Variants in SLC5A9 observed in about 807,000 individuals in gnomAD.
The protein encoded by SLC5A9 is solute carrier family 5 member 9.
A neutral mutation model predicts 70.9 loss-of-function variants in SLC5A9; 59 were observed. The ratio of observed to expected loss-of-function variants is 0.83; its 90% confidence interval spans 0.68 to 1.03. The LOEUF (loss-of-function observed/expected upper bound fraction) is 1.03, where lower values mean the gene tolerates loss of function less well. Ranked by LOEUF, SLC5A9 falls within the 50% of genes least tolerant of loss-of-function variation. The pLI is 0.00. For missense variants in SLC5A9, 832 were observed against 881.1 expected (o/e 0.94, Z 0.71); for synonymous variants, 340 against 346.5 (o/e 0.98, Z 0.21).
In SLC5A9 at chr1:48,235,844, G is replaced by C; in HGVS notation, c.1257G>C (p.Arg419Ser). 1 of 1,614,196 alleles carries C rather than the reference G, an allele frequency of 6.2e-7. No homozygotes were observed. Among genetic ancestry groups the C allele is most frequent in the Non-Finnish European group, 8.5e-7 (1 of 1,180,038 alleles). The change falls in exon 10 of 14, where the codon AGG (arginine) becomes AGC (serine). Residue 419 changes from arginine to serine, a missense_variant. Arg to Ser is a moderately radical substitution (Grantham distance 110, BLOSUM62 -1). Transcript: ENST00000438567. ...TTGATGTGTGGCAGCGCTTCCGCAG[G>C]AAGTCAACAGAGCAGGAGCTGATGG... ...FTIDVWQRFR[R>S]KSTEQELMVV...
At chr1:48,238,401 GC>G in intron 11 of SLC5A9, 1 of 152,514 alleles carries the variant, frequency 6.6e-6, no homozygotes, top group South Asian at 2.1e-4. Context: ...CCTTACAAGG[GC>G]TCCTGCACTT....
At position 48,233,646 on chromosome 1, in the gene SLC5A9, C is replaced by T. The variant is rs1180430383; in HGVS notation, c.1034-9C>T. The T allele has an allele frequency of 5.6e-6, 9 of 1,611,902 alleles. No homozygotes were observed. The highest frequency in any genetic ancestry group is 7.6e-6 in the Non-Finnish European group (9 of 1,178,340). ...TCACGGACTCTAACTGCCATTACTTCTTCCACAGACGAGGTGGGCTGCGTG... is the reference window on the plus strand; with the variant it reads ...TCACGGACTCTAACTGCCATTACTTTTTCCACAGACGAGGTGGGCTGCGTG... On this transcript the variant is annotated splice_polypyrimidine_tract_variant and intron_variant, in intron 8 of 13. Coordinates refer to ENST00000438567, the MANE Select transcript of SLC5A9 (RefSeq NM_001011547.3).
At chr1:48,245,382 C>A (rs1644449372) in intron 13 of SLC5A9, among the ~76,000 whole-genome samples, 3 of 152,064 alleles carry the variant, frequency 2.0e-5, no homozygotes, top group African/African-American at 4.8e-5. Context: ...ACAGAGTAGT[C>A]CCTGGAGAAG....
At chr1:48,229,937 C>T (rs1053729552) in intron 4 of SLC5A9, among the ~76,000 whole-genome samples, 5 of 152,178 alleles carry the variant, frequency 3.3e-5, no homozygotes, top group Admixed American at 1.3e-4. Context: ...GTTTTAGACC[C>T]TGTAACAGGT....
intron 10 of SLC5A9, among the ~76,000 whole-genome samples, chr1:48,236,372 G>C (rs1219838386): frequency 6.6e-6 from 1 of 152,162 alleles, no homozygotes; most frequent in Non-Finnish European, 1.5e-5. Context: ...TATTAAGGAA[G>C]GTAGAAACAC....
chr1:48,230,628 T>A lies in SLC5A9; in HGVS notation c.533T>A (p.Ile178Asn). The A allele has an allele frequency of 6.2e-7, 1 of 1,614,058 alleles. No individual in the cohort carries two copies. The highest frequency in any genetic ancestry group is 1.3e-5 in the African/African-American group (1 of 75,044). ...STDIFSGALF[I>N]QMALGWNLYL... ...GACATCTTCTCTGGAGCCCTCTTCATCCAGATGGCATTGGGCTGGAACCTG... is the reference window on the plus strand; with the variant it reads ...GACATCTTCTCTGGAGCCCTCTTCAACCAGATGGCATTGGGCTGGAACCTG... Residue 178 changes from isoleucine to asparagine, a missense_variant, in exon 5 of 14, where the codon ATC becomes AAC. Coordinates refer to ENST00000438567, the MANE Select transcript of SLC5A9 (RefSeq NM_001011547.3).
intron 7 of SLC5A9, 31 bp from the exon 8 acceptor site, chr1:48,232,335 TG>T (rs1241500653): frequency 6.2e-7 from 1 of 1,611,642 alleles, no homozygotes; most frequent in African/African-American, 1.3e-5. Flanking sequence ...CTCCTCTACC[TG>T]CGCTGCACTC....
intron 13 of SLC5A9, among the ~76,000 whole-genome samples, chr1:48,247,087 A>AT (rs1301549963): frequency 6.6e-6 from 1 of 152,160 alleles, no homozygotes; most frequent in Admixed American, 6.5e-5. Context: ...CTTCCACTAC[A>AT]TGACTGTTTG....
intron 13 of SLC5A9, among the ~76,000 whole-genome samples, chr1:48,244,910 A>ATATAT (rs56780309): frequency 2.9e-3 from 320 of 110,520 alleles, no homozygotes; most frequent in South Asian, 5.5e-3. Flanking sequence ...ATATATATAT[A>ATATAT]AAACCTCTGT....
At chr1:48,235,606 C>A in intron 9 of SLC5A9, 123 bp from the exon 10 acceptor site, 1 of 1,160,580 alleles carries the variant, frequency 8.6e-7, no homozygotes, top group Non-Finnish European at 1.2e-6. Flanking sequence ...CTCATCCAAC[C>A]CCTTCCCTCT....
At position 48,242,541 on chromosome 1, in the gene SLC5A9, G is replaced by A. The variant is rs536336459; in HGVS notation, c.1762G>A (p.Glu588Lys). 1.2e-5 allele frequency: 20 copies of A among 1,613,834 alleles called. No homozygotes were observed. In the East Asian group the frequency reaches 2.5e-4, roughly 20 times the overall value. The change falls in exon 13 of 14, where the codon GAG becomes AAG. Residue 588 changes from glutamate to lysine, a missense_variant. Coordinates refer to ENST00000438567, the MANE Select transcript of SLC5A9 (RefSeq NM_001011547.3). ...EAHESTPEIS[E>K]RPAGECPAGG... ...CCACGAGAGCACACCGGAGATATCC[G>A]AGAGGCCAGCCGGGGAGTGCCCTGC...
At position 48,232,098 on chromosome 1, in the gene SLC5A9, G is replaced by A. The variant is rs912497305; in HGVS notation, c.844G>A (p.Gly282Ser). ...DPVSGDIPWP[G>S]LIFGLTVLAT... is the part of the protein sequence containing the mutation. ...TGTGAGCGGGGACATCCCTTGGCCAGGTCTCATTTTCGGGCTCACAGTGCT... is the reference window on the plus strand; with the variant it reads ...TGTGAGCGGGGACATCCCTTGGCCAAGTCTCATTTTCGGGCTCACAGTGCT... Residue 282 changes from glycine to serine, a missense_variant, in exon 7 of 14, where the codon GGT (glycine) becomes AGT (serine). By Grantham distance (56) the Gly-to-Ser change is moderately conservative (BLOSUM62 0). Coordinates refer to ENST00000438567, the MANE Select transcript of SLC5A9 (RefSeq NM_001011547.3). 1.9e-6 allele frequency: 3 copies of A among 1,614,140 alleles called. No homozygotes were observed. The highest frequency in any genetic ancestry group is 2.5e-6 in the Non-Finnish European group (3 of 1,179,994).
At chr1:48,227,055 G>C (rs116027962) in intron 2 of SLC5A9, among the ~76,000 whole-genome samples, 2 of 151,798 alleles carry the variant, frequency 1.3e-5, no homozygotes, top group African/African-American at 4.8e-5. Flanking sequence ...TGTGCTTTGC[G>C]AATGTATGTG....
chr1:48,242,208 G>A (rs1569863209), intron 12 of SLC5A9: 1 of 524,530 alleles, frequency 1.9e-6, no homozygotes, highest in East Asian at 3.6e-5. Flanking sequence ...GGGCCCAGGT[G>A]TGTTTCAGGT....
In SLC5A9 at chr1:48,235,732, T is replaced by C; in HGVS notation, c.1145T>C (p.Leu382Pro). 6.2e-7 allele frequency: 1 copy of C among 1,614,202 alleles called. No individual in the cohort carries two copies. The highest frequency in any genetic ancestry group is 2.2e-5 in the East Asian group (1 of 44,880). ...KLVMALMPVG[L>P]RGLMIAVIMA... The stretch of plus-strand genomic sequence containing the variant: ...CATGAGCCTCGTCTCTCCCCAGGTC[T>C]GCGGGGGCTGATGATTGCCGTGATC... Residue 382 changes from leucine to proline, a missense_variant, in exon 10 of 14, where the codon CTG becomes CCG. Physicochemically the swap from Leu to Pro is moderately conservative, Grantham distance 98. Transcript: ENST00000438567.
intron 2 of SLC5A9, 102 bp downstream of exon 2, chr1:48,224,897 C>A: frequency 2.6e-6 from 3 of 1,142,786 alleles, no homozygotes; most frequent in Non-Finnish European, 3.9e-6. Flanking sequence ...TGGACCAAGG[C>A]AAAGACCTCC....
rs1293575747 is a variant in SLC5A9, at chr1:48,239,818, G to A, written c.1677+281G>A. 6.6e-6 allele frequency among the ~76,000 whole-genome samples: 1 copy of A among 152,188 alleles called. No homozygotes were observed. Among genetic ancestry groups the A allele is most frequent in the African/African-American group, 2.4e-5 (1 of 41,448 alleles). The stretch of plus-strand genomic sequence containing the variant: ...AGACTATCCTCAGGGAGAAACAGAC[G>A]CTGACACAAGCTATCACTATACAAA... On this transcript the variant is annotated intron_variant, in intron 12 of 13. Transcript: ENST00000438567. This position sits in a 1 kb window ranked among gnomAD's most constrained non-coding sequence, Gnocchi z 4.2.
chr1:48,228,891 G>C lies in SLC5A9; in HGVS notation c.276G>C (p.Leu92Phe). ...SLMSSNVGSG[L>F]FIGLAGTGAA... is the part of the protein sequence containing the mutation. ...TGTCCAGCAATGTGGGCAGTGGCTT[G>C]TTCATCGGCCTGGCTGGGACAGGGG... The change falls in exon 3 of 14, where the codon TTG becomes TTC. Residue 92 changes from leucine to phenylalanine, a missense_variant. Physicochemically the swap from Leu to Phe is conservative, Grantham distance 22. Coordinates refer to ENST00000438567, the MANE Select transcript of SLC5A9 (RefSeq NM_001011547.3). 1.2e-6 allele frequency: 2 copies of C among 1,612,356 alleles called. No homozygotes were observed. The highest frequency in any genetic ancestry group is 1.7e-6 in the Non-Finnish European group (2 of 1,179,810).
intron 2 of SLC5A9, among the ~76,000 whole-genome samples, chr1:48,227,275 G>A (rs1350935765): frequency 3.3e-5 from 2 of 60,226 alleles, no homozygotes; most frequent in East Asian, 6.3e-4. Context: ...GTGTCAGAGT[G>A]TGTGTGTGTA....
Sources: allele counts gnomAD v4.1 joint callset (sites outside exome capture counted in the v4.1 genomes callset), GRCh38; gene constraint gnomAD v4.1.1; non-coding constraint Gnocchi (gnomAD v3.1); transcripts MANE v1.5; gene names NCBI Gene and HGNC (gene_info 2026-07-23, HGNC 2026-07-21).